PDE4D: variants seen among roughly 807,000 people sequenced by gnomAD.
PDE4D encodes phosphodiesterase 4D, also known as 3',5'-cyclic-AMP phosphodiesterase 4D.
Under a neutral mutation model 87.4 loss-of-function variants are expected in PDE4D, and 24 were observed. The ratio of observed to expected loss-of-function variants is 0.27; its 90% CI spans 0.20 to 0.39. The LOEUF (loss-of-function observed/expected upper bound fraction) is 0.39. Among genes scored for constraint, PDE4D ranks in the 10% least tolerant of loss-of-function variants. The probability of loss-of-function intolerance (pLI) is 1.00; values close to 1 mark genes in which losing one functional copy is unlikely to be tolerated. For synonymous variants in PDE4D, 384 were observed against 383.2 expected (o/e 1.00, Z -0.02); for missense variants, 714 against 1,041.0 (o/e 0.69, Z 4.32).
intron 2 of PDE4D, among the ~76,000 whole-genome samples, chr5:60,033,646 C>G (rs939625487): frequency 6.6e-6 from 1 of 152,142 alleles, no homozygotes; most frequent in Admixed American, 6.5e-5. Context: ...TAAATATGCC[C>G]TTTGCTTTTG....
chr5:59,949,987 T>A (rs1346469948), intron 3 of PDE4D, among the ~76,000 whole-genome samples: 1 of 152,202 alleles, frequency 6.6e-6, no homozygotes, highest in African/African-American at 2.4e-5. Flanking sequence ...TTAAACCTAT[T>A]TTCATTGTAT....
At chr5:59,180,182 T>C (rs1741156994) in intron 5 of PDE4D, among the ~76,000 whole-genome samples, 2 of 152,312 alleles carry the variant, frequency 1.3e-5, no homozygotes, top group African/African-American at 4.8e-5. Context: ...AAGTGGGATA[T>C]TGATGAACCA....
At chr5:60,488,195 A>G (rs939235487), upstream of PDE4D, 1 of 152,566 alleles carries the variant, frequency 6.6e-6, no homozygotes, top group Non-Finnish European at 1.5e-5. Flanking sequence ...AACAACACAG[A>G]TGAGATATTC....
intron 1 of PDE4D, among the ~76,000 whole-genome samples, chr5:59,842,185 A>G (rs1462172041): frequency 6.6e-6 from 1 of 152,006 alleles, no homozygotes; most frequent in African/African-American, 2.4e-5. Flanking sequence ...GTTCGGAGGC[A>G]GAGATGGTGG....
intron 5 of PDE4D, among the ~76,000 whole-genome samples, chr5:59,179,295 T>A (rs895467644): frequency 3.3e-5 from 5 of 152,028 alleles, no homozygotes; most frequent in Admixed American, 1.3e-4. Context: ...AGAGATGGGG[T>A]TTCGCCATGT....
chr5:59,470,887 C>T (rs1488414912), intron 1 of PDE4D, among the ~76,000 whole-genome samples: 2 of 152,022 alleles, frequency 1.3e-5, no homozygotes, highest in Non-Finnish European at 2.9e-5. Context: ...AAAAATCAGT[C>T]CTAATATCAG....
intron 6 of PDE4D, among the ~76,000 whole-genome samples, chr5:59,038,194 A>C (rs1758891256): frequency 6.6e-6 from 1 of 152,354 alleles, no homozygotes; most frequent in African/African-American, 2.4e-5. Context: ...CTCAGCCCTC[A>C]AAACTCCATT....
chr5:59,949,193 A>C (rs566693187), intron 3 of PDE4D, among the ~76,000 whole-genome samples: 2 of 152,324 alleles, frequency 1.3e-5, no homozygotes, highest in Admixed American at 1.3e-4. Context: ...GCACTTTGGG[A>C]GGCCAAGGCG....
intron 1 of PDE4D, among the ~76,000 whole-genome samples, chr5:59,224,018 G>A (rs1419785337): frequency 6.7e-6 from 1 of 150,332 alleles, no homozygotes; most frequent in Non-Finnish European, 1.5e-5. Flanking sequence ...GGGCATGGTG[G>A]CTCACACTTG....
chr5:59,762,871 A>ATATCTATATATATATATATATATATATC (rs1762321349), intron 1 of PDE4D, among the ~76,000 whole-genome samples: 1 of 130,006 alleles, frequency 7.7e-6, no homozygotes, highest in Non-Finnish European at 1.7e-5. Context: ...ATATATATAT[A>ATATCTATATATATATATATATATATATC]TATATATATA....
chr5:59,421,179 T>A (rs1452032609), intron 1 of PDE4D, among the ~76,000 whole-genome samples: 1 of 152,188 alleles, frequency 6.6e-6, no homozygotes, highest in Non-Finnish European at 1.5e-5. Flanking sequence ...AACGTTTTCA[T>A]CATGAAAATT....
At position 59,580,548 on chromosome 5, in the gene PDE4D, C is replaced by G; in HGVS notation, c.455+312620G>C. ...GTGGCATGATCATGGCTTATCGTAG[C>G]CTCAACCTTCTGAATTCAAGAGACA... On this transcript the variant is annotated intron_variant, in intron 1 of 14. Coordinates refer to ENST00000340635, the MANE Select transcript of PDE4D (RefSeq NM_001104631.2). Among the ~76,000 whole-genome samples the G allele has an allele frequency of 1.3e-5, 2 of 151,892 alleles. 1 individual carries two copies. Among genetic ancestry groups the G allele is most frequent in the African/African-American group, 4.8e-5 (2 of 41,328 alleles).
intron 5 of PDE4D, among the ~76,000 whole-genome samples, chr5:59,172,328 T>C (rs113951796): frequency 7.7e-6 from 1 of 130,194 alleles, no homozygotes; most frequent in Admixed American, 9.0e-5. Flanking sequence ...AAATATATAA[T>C]ATATAATATA....
At chr5:60,110,016 A>G (rs1034076936) in intron 2 of PDE4D, among the ~76,000 whole-genome samples, 1 of 152,038 alleles carries the variant, frequency 6.6e-6, no homozygotes, top group Non-Finnish European at 1.5e-5. Context: ...TATAATAATA[A>G]TTAAAAAAAA....
At position 58,990,781 on chromosome 5, in the gene PDE4D, G is replaced by A. The variant is rs552488649; in HGVS notation, c.1287+23C>T. The A allele has an allele frequency of 1.0e-5, 13 of 1,242,578 alleles. 1 individual carries two copies. In the South Asian group the frequency reaches 1.7e-4, roughly 16 times the overall value. 77.0% of individuals were successfully genotyped at this position (1,242,578 alleles called of 1,614,324 possible). ...CATTAAGTTCCTAAATAAAATAAAT[G>A]TAATAGAACTCAACCACCTTACCTG... On this transcript the variant is annotated intron_variant, in intron 9 of 14. Transcript: ENST00000340635.
chr5:60,123,669 T>A (rs1456885157), intron 2 of PDE4D, among the ~76,000 whole-genome samples: 1 of 152,068 alleles, frequency 6.6e-6, no homozygotes, highest in African/African-American at 2.4e-5. Context: ...AAAGTCTTCT[T>A]GATATGCAGT....
chr5:59,714,024 G>C (rs150992343), intron 1 of PDE4D, among the ~76,000 whole-genome samples: 41 of 152,296 alleles, frequency 2.7e-4, no homozygotes, highest in Non-Finnish European at 5.1e-4. Flanking sequence ...GTTAGAGGCT[G>C]TTGTGAATGC....
intron 1 of PDE4D, among the ~76,000 whole-genome samples, chr5:59,487,269 AG>A (rs148864058): frequency 0.026 from 3,909 of 152,302 alleles, 144 homozygotes; most frequent in African/African-American, 0.089. Flanking sequence ...ATCCTGGGAA[AG>A]GTGAGCGAAA....
chr5:59,506,030 A>G (rs1809202029), intron 1 of PDE4D, among the ~76,000 whole-genome samples: 1 of 152,184 alleles, frequency 6.6e-6, no homozygotes, highest in South Asian at 2.1e-4. Context: ...AATTATGTCA[A>G]AATAGATATT....
Sources: gnomAD v4.1 joint callset for allele counts (sites outside exome capture counted in the v4.1 genomes callset) on GRCh38, gnomAD v4.1.1 for gene constraint, MANE v1.5 for transcripts, NCBI Gene and HGNC (gene_info 2026-07-23, HGNC 2026-07-21) for gene names.